The following BIN1 variants were observed in gnomAD, a reference collection of about 807,000 sequenced individuals.
The protein encoded by BIN1 is bridging integrator 1.
Under a neutral mutation model 82.0 loss-of-function variants are expected in BIN1, and 53 were observed. The observed-to-expected ratio is 0.65, with a 90% CI of 0.52 to 0.81. The LOEUF is 0.81. Among genes scored for constraint, BIN1 ranks in the 40% least tolerant of loss-of-function variants. The pLI is 0.00. For missense variants in BIN1, 642 were observed against 784.4 expected (o/e 0.82, Z 2.17); for synonymous variants, 302 against 328.0 (o/e 0.92, Z 0.86).
At chr2:127,091,352 G>A (rs551251598) in intron 1 of BIN1, among the ~76,000 whole-genome samples, 52 of 152,296 alleles carry the variant, frequency 3.4e-4, no homozygotes, top group African/African-American at 1.3e-3. Context: ...AGCATGCCCT[G>A]CCCCTCCACA....
At chr2:127,072,899 G>A (rs564159082) in intron 2 of BIN1, among the ~76,000 whole-genome samples, 4 of 152,294 alleles carry the variant, frequency 2.6e-5, no homozygotes, top group East Asian at 1.9e-4. Context: ...TGGTCGAGAC[G>A]AGGATTAAAG....
At chr2:127,076,775 A>C (rs552518601) in intron 1 of BIN1, 69 bp from the exon 2 acceptor site, 2 of 1,547,336 alleles carry the variant, frequency 1.3e-6, no homozygotes, top group East Asian at 4.5e-5. Flanking sequence ...AAGAGTGCTC[A>C]GTCACCAACA....
At position 127,070,034 on chromosome 2, in the gene BIN1, C is replaced by T. The variant is rs1234309030; in HGVS notation, c.372G>A (p.Leu124=). The T allele has an allele frequency of 1.9e-6, 3 of 1,614,030 alleles. No homozygotes were observed. Among genetic ancestry groups the T allele is most frequent in the Non-Finnish European group, 2.5e-6 (3 of 1,180,028 alleles). Residue 124 remains leucine, a synonymous_variant, in exon 5 of 19, where the codon CTG becomes CTA. Transcript: ENST00000316724. The part of the protein sequence containing the change: ...YHQKLVDQAL[L]TMDTYLGQFP... ...ACTGGCCCAGGTACGTGTCCATGGT[C>T]AGCAGCGCCTGGTCCACCAGCTTCT...
intron 13 of BIN1, 76 bp from the exon 14 acceptor site, chr2:127,053,521 C>A: frequency 1.3e-6 from 2 of 1,572,866 alleles, no homozygotes; most frequent in Non-Finnish European, 1.7e-6. Flanking sequence ...TCCCCAGGGA[C>A]CCTACCCCCG....
chr2:127,098,893 A>G (rs556684186), intron 1 of BIN1, among the ~76,000 whole-genome samples: 251 of 152,344 alleles, frequency 1.6e-3, no homozygotes, highest in African/African-American at 5.7e-3. Context: ...GCCAATCACA[A>G]GAACCCCATT....
At chr2:127,086,741 CGT>C (rs765659198) in intron 1 of BIN1, among the ~76,000 whole-genome samples, 1 of 152,094 alleles carries the variant, frequency 6.6e-6, no homozygotes, top group Non-Finnish European at 1.5e-5. Flanking sequence ...CCCCTGACCT[CGT>C]GATCCACCCG....
Position 127,057,360 on chromosome 2 carries a change from C to A in BIN1, c.1131+113G>T. On this transcript the variant is annotated intron_variant, in intron 12 of 18. Coordinates refer to ENST00000316724, the MANE Select transcript of BIN1 (RefSeq NM_139343.3). The surrounding 1 kb of genome is among the most constrained non-coding windows in gnomAD (Gnocchi z 5.0). Reference sequence around the variant, plus strand: ...AAAGGGTGAGAGAGGGAAACTGACACTCTCTCTGGCCAGATTCCTGGCTCT... The same window carrying A: ...AAAGGGTGAGAGAGGGAAACTGACAATCTCTCTGGCCAGATTCCTGGCTCT... The A allele has an allele frequency of 7.4e-7, 1 of 1,345,520 alleles. No homozygotes were observed. The allele number at this position is 1,345,520 out of a possible 1,614,324, so 83.3% of individuals were successfully genotyped here.
At chr2:127,104,330 G>C (rs4663097) in intron 1 of BIN1, among the ~76,000 whole-genome samples, 35,567 of 152,098 alleles carry the variant, frequency 0.23, 4,827 homozygotes, top group African/African-American at 0.38. Flanking sequence ...AGGGTCAACA[G>C]GTAACAACAG....
At position 127,048,226 on chromosome 2, in the gene BIN1, G is replaced by A; in HGVS notation, c.*300C>T. On this transcript the variant is annotated 3_prime_UTR_variant, in exon 19 of 19. Transcript: ENST00000316724. ...AGCTTCAGGCAAGCATGGTGGCTCG[G>A]CAGCCCCCAGCCCCGCCCTGCGGCC... is the stretch of plus-strand genomic sequence containing the variant. 1 of 425,266 alleles carries A rather than the reference G, an allele frequency of 2.4e-6. No homozygotes were observed. Among genetic ancestry groups the A allele is most frequent in the South Asian group, 2.2e-5 (1 of 45,542 alleles). 26.3% of individuals were successfully genotyped at this position (425,266 alleles called of 1,614,324 possible). A position where few individuals can be genotyped will look rare whatever the true frequency, so the allele number is the denominator to read the frequency against.
At chr2:127,058,734 A>C (rs1186782551) in intron 11 of BIN1, among the ~76,000 whole-genome samples, 2 of 150,834 alleles carry the variant, frequency 1.3e-5, no homozygotes, top group Non-Finnish European at 3.0e-5. Flanking sequence ...GAAAGAGTCA[A>C]GCAGACAAAA....
chr2:127,097,772 G>A (rs1373186917), intron 1 of BIN1, among the ~76,000 whole-genome samples: 1 of 152,012 alleles, frequency 6.6e-6, no homozygotes, highest in East Asian at 2.0e-4. Flanking sequence ...AAGAGCCCAG[G>A]GCAGGGCCCG....
At chr2:127,097,736 C>T (rs1319266217) in intron 1 of BIN1, among the ~76,000 whole-genome samples, 1 of 152,166 alleles carries the variant, frequency 6.6e-6, no homozygotes, top group Non-Finnish European at 1.5e-5. Flanking sequence ...AAGAAAGGTT[C>T]AGGCAACACG....
intron 1 of BIN1, chr2:127,081,869 AG>A (rs1236697618): frequency 7.8e-7 from 1 of 1,286,970 alleles, no homozygotes; most frequent in African/African-American, 1.5e-5. Flanking sequence ...CTGCACAGGA[AG>A]GGCGGGCTGA....
At chr2:127,050,097 G>A (rs1207765184) in intron 18 of BIN1, among the ~76,000 whole-genome samples, 2 of 152,202 alleles carry the variant, frequency 1.3e-5, no homozygotes, top group African/African-American at 4.8e-5. Flanking sequence ...TGCCAGGAGA[G>A]GAGAAGGGGA....
chr2:127,053,521 C>T (rs1683239451), intron 13 of BIN1, 76 bp from the exon 14 acceptor site: 1 of 1,572,866 alleles, frequency 6.4e-7, no homozygotes, highest in Admixed American at 1.8e-5. Context: ...TCCCCAGGGA[C>T]CCTACCCCCG....
intron 1 of BIN1, among the ~76,000 whole-genome samples, chr2:127,101,985 C>G (rs907437822): frequency 1.3e-5 from 2 of 152,204 alleles, no homozygotes; most frequent in Non-Finnish European, 2.9e-5. Context: ...AGGTGCCGCT[C>G]TGCCACAGAG....
intron 8 of BIN1, 89 bp from the exon 9 acceptor site, chr2:127,063,735 C>T (rs1684799974): frequency 6.8e-7 from 1 of 1,473,952 alleles, no homozygotes; most frequent in South Asian, 1.2e-5. Context: ...ACCACACACG[C>T]TCATCAGAGG....
At position 127,063,584 on chromosome 2, in the gene BIN1, T is replaced by C; in HGVS notation, c.761A>G (p.Lys254Arg). The change falls in exon 9 of 19, where the codon AAG (lysine) becomes AGG (arginine). Residue 254 changes from lysine (K) to arginine (R), a missense_variant. Coordinates refer to ENST00000316724, the MANE Select transcript of BIN1 (RefSeq NM_139343.3). The stretch of plus-strand genomic sequence containing the variant: ...CCCATGGCCTACCTTGCTCATCTCC[T>C]TGTGGAAGTTTTCCTCCAGGCCCGC... ...SIAGLEENFH[K>R]EMSKLNQNLN... 1.2e-6 allele frequency: 2 copies of C among 1,613,974 alleles called. No individual in the cohort carries two copies. The highest frequency in any genetic ancestry group is 1.7e-6 in the Non-Finnish European group (2 of 1,179,968).
chr2:127,068,239 T>C lies in BIN1; in HGVS notation c.536A>G (p.Glu179Gly). 1 of 1,612,982 alleles carries C rather than the reference T, an allele frequency of 6.2e-7. No individual in the cohort carries two copies. The highest frequency in any genetic ancestry group is 8.5e-7 in the Non-Finnish European group (1 of 1,179,896). Residue 179 changes from glutamate (E) to glycine (G), a missense_variant, in exon 7 of 19, where the codon GAG (glutamate) becomes GGG (glycine). By Grantham distance (98) the Glu-to-Gly change is moderately conservative (BLOSUM62 -2). Coordinates refer to ENST00000316724, the MANE Select transcript of BIN1 (RefSeq NM_139343.3). This position sits in a 1 kb window ranked among gnomAD's most constrained non-coding sequence, Gnocchi z 4.9. ...AKIAKPVSLL[E>G]KAAPQWCQGK... ...TTGGCACCACTGGGGGGCGGCTTTC[T>C]CAAGCAGCGAGACAGGCTGGGGTGG...
Sources: allele counts gnomAD v4.1 joint callset (sites outside exome capture counted in the v4.1 genomes callset), GRCh38; gene constraint gnomAD v4.1.1; non-coding constraint Gnocchi (gnomAD v3.1); transcripts MANE v1.5; gene names NCBI Gene and HGNC (gene_info 2026-07-23, HGNC 2026-07-21).